Variants in PTPRG observed in about 807,000 individuals in gnomAD.
PTPRG encodes receptor-type tyrosine-protein phosphatase gamma.
PTPRG carries 102 observed loss-of-function variants against 165.3 expected under a neutral mutation model. The ratio of observed to expected loss-of-function variants is 0.62; its 90% CI spans 0.53 to 0.73. PTPRG has a LOEUF of 0.73. Among genes scored for constraint, PTPRG ranks in the 30% least tolerant of loss-of-function variants. PTPRG has a pLI of 0.00. For synonymous variants in PTPRG, 675 were observed against 669.5 expected, an observed-to-expected ratio of 1.01 and a Z score of -0.13; for missense variants, 1,866 against 1,861.4, an observed-to-expected ratio of 1.00 and a Z score of -0.05.
chr3:61,697,290 A>G (rs189521514), intron 1 of PTPRG, among the ~76,000 whole-genome samples: 11 of 152,306 alleles, frequency 7.2e-5, no homozygotes, highest in Non-Finnish European at 1.0e-4. Flanking sequence ...ATACTTCGGC[A>G]TGCTGAGTAC....
chr3:61,613,897 A>C (rs1701240589), intron 1 of PTPRG, among the ~76,000 whole-genome samples: 1 of 152,180 alleles, frequency 6.6e-6, no homozygotes, highest in African/African-American at 2.4e-5. Flanking sequence ...ATCTCAGGGC[A>C]TGGCTTTCTA....
intron 1 of PTPRG, among the ~76,000 whole-genome samples, chr3:61,690,235 T>A (rs1310582313): frequency 1.3e-5 from 2 of 152,184 alleles, no homozygotes; most frequent in East Asian, 3.9e-4. Context: ...TATCACTTCT[T>A]GGAAATGCAG....
At chr3:61,717,669 G>T (rs1239357296) in intron 1 of PTPRG, among the ~76,000 whole-genome samples, 1 of 152,028 alleles carries the variant, frequency 6.6e-6, no homozygotes, top group African/African-American at 2.4e-5. Flanking sequence ...TGTGCCTATA[G>T]TCCCAGCTAC....
chr3:62,118,716 G>C (rs1344443056), intron 5 of PTPRG, among the ~76,000 whole-genome samples: 4 of 152,154 alleles, frequency 2.6e-5, no homozygotes, highest in Non-Finnish European at 5.9e-5. Flanking sequence ...TCTGTATACA[G>C]TGGAAAAATA....
intron 2 of PTPRG, among the ~76,000 whole-genome samples, chr3:61,880,269 A>G (rs1258206440): frequency 6.6e-6 from 1 of 152,198 alleles, no homozygotes; most frequent in Non-Finnish European, 1.5e-5. Context: ...TTTTTAGACT[A>G]TCTCCCCACT....
rs1215328140 is a variant in PTPRG, at chr3:62,267,793, A to T, written c.2848A>T (p.Ile950Phe). The change falls in exon 19 of 30, where the codon ATT (isoleucine) becomes TTT (phenylalanine). Residue 950 changes from isoleucine to phenylalanine, a missense_variant. Physicochemically the swap from Ile to Phe is conservative, Grantham distance 21. Around this residue, in one of 3 missense-constraint regions of PTPRG, gnomAD observed 1,452 missense variants for 1,463.0 expected, o/e 0.99. Coordinates refer to ENST00000474889, the MANE Select transcript of PTPRG (RefSeq NM_002841.4). Reference protein sequence around the residue: ...WEQNTGIIVMITNLVEKGRRK... With the variant: ...WEQNTGIIVMFTNLVEKGRRK... ...ACAAAACACTGGAATCATTGTGATG[A>T]TTACGAACCTTGTGGAAAAAGGAAG... 6.2e-7 allele frequency: 1 copy of T among 1,613,212 alleles called. No individual in the cohort carries two copies.
In PTPRG at chr3:61,596,294, A is replaced by C. The variant is rs375047338; in HGVS notation, c.85+33922A>C. ...TGTACATTTAGCTTAAATTAAGTGG[A>C]ATTGTACCATAGTTTCACATTACTT... On this transcript the variant is annotated intron_variant, in intron 1 of 29. Coordinates refer to ENST00000474889, the MANE Select transcript of PTPRG (RefSeq NM_002841.4). Among the ~76,000 whole-genome samples, 92 of 152,342 alleles carry C rather than the reference A, an allele frequency of 6.0e-4. 3 individuals are homozygous for C. In the South Asian group the frequency reaches 0.018, roughly 30 times the overall value.
chr3:62,212,559 G>A (rs958200460), intron 12 of PTPRG, among the ~76,000 whole-genome samples: 1 of 152,140 alleles, frequency 6.6e-6, no homozygotes, highest in Non-Finnish European at 1.5e-5. Context: ...TTGTTCTGCA[G>A]ACTCATTGGG....
At position 62,293,489 on chromosome 3, in the gene PTPRG, C is replaced by CT. The variant is rs1702971279; in HGVS notation, c.*183dup. The CT allele has an allele frequency of 4.2e-6, 2 of 478,904 alleles. No individual in the cohort carries two copies. Among genetic ancestry groups the CT allele is most frequent in the Non-Finnish European group, 7.1e-6 (2 of 280,608 alleles). 29.7% of individuals were successfully genotyped at this position (478,904 alleles called of 1,614,324 possible). A position where few individuals can be genotyped will look rare whatever the true frequency, so the allele number is the denominator to read the frequency against. Reference sequence around the variant, plus strand: ...GGTATCCTACTGAGCATTTGCACCTCTGTTCATTTCACACAGTGAAACGCA... The same window carrying CT: ...GGTATCCTACTGAGCATTTGCACCTCTTGTTCATTTCACACAGTGAAACGCA... On this transcript the variant is annotated 3_prime_UTR_variant, in exon 30 of 30. Coordinates refer to ENST00000474889, the MANE Select transcript of PTPRG (RefSeq NM_002841.4).
At chr3:61,860,423 T>G (rs533800035) in intron 2 of PTPRG, among the ~76,000 whole-genome samples, 369 of 148,032 alleles carry the variant, frequency 2.5e-3, no homozygotes, top group Non-Finnish European at 4.3e-3. Flanking sequence ...TGCTTTTTTT[T>G]GTTTTTGTTC....
intron 2 of PTPRG, among the ~76,000 whole-genome samples, chr3:61,941,158 A>G (rs1391309662): frequency 2.0e-4 from 31 of 152,202 alleles, no homozygotes; most frequent in Admixed American, 2.0e-3. Context: ...ATAATCATTC[A>G]TGAGTGCAAT....
intron 2 of PTPRG, among the ~76,000 whole-genome samples, chr3:61,856,590 A>G (rs1198453612): frequency 6.6e-6 from 1 of 151,924 alleles, no homozygotes. Context: ...CCGTATTTTG[A>G]TTCATTTTCT....
rs1001945534 is a variant in PTPRG at position 61,972,828 on chromosome 3, T to G, written c.191-16797T>G. Reference sequence around the variant, plus strand: ...CCACCATGCCCAGCTAATTTTTAATTTTTTTTTTTTTGTAGAGACAGGGTC... The same window carrying G: ...CCACCATGCCCAGCTAATTTTTAATGTTTTTTTTTTTGTAGAGACAGGGTC... On this transcript the variant is annotated intron_variant, in intron 2 of 29. Transcript: ENST00000474889. 4.1e-4 allele frequency among the ~76,000 whole-genome samples: 7 copies of G among 16,894 alleles called. No homozygotes were observed. The South Asian group carries it at 0.012, about 29-fold the overall frequency. The allele number at this position is 16,894 out of a possible 152,430, so 11.1% of individuals were successfully genotyped here.
chr3:62,004,337 G>T (rs1055456600), intron 4 of PTPRG, among the ~76,000 whole-genome samples: 1 of 152,210 alleles, frequency 6.6e-6, no homozygotes, highest in African/African-American at 2.4e-5. Context: ...CCTATAGACA[G>T]TTGCTTTGGA....
At position 62,210,775 on chromosome 3, in the gene PTPRG, C is replaced by T. The variant is rs930383273; in HGVS notation, c.2155+6825C>T. Among the ~76,000 whole-genome samples the T allele has an allele frequency of 1.3e-5, 2 of 152,050 alleles. No individual in the cohort carries two copies. Among genetic ancestry groups the T allele is most frequent in the Non-Finnish European group, 2.9e-5 (2 of 68,004 alleles). On this transcript the variant is annotated intron_variant, in intron 12 of 29. Coordinates refer to ENST00000474889, the MANE Select transcript of PTPRG (RefSeq NM_002841.4). The surrounding 1 kb of genome is among the most constrained non-coding windows in gnomAD (Gnocchi z 4.1). ...ATAGTAAATATAAATATGTTTTCTT[C>T]CTTAGGATTTTCTTTATAACATTTT...
At chr3:62,250,188 T>A (rs140251643) in intron 15 of PTPRG, among the ~76,000 whole-genome samples, 112 of 152,380 alleles carry the variant, frequency 7.4e-4, no homozygotes, top group African/African-American at 2.6e-3. Flanking sequence ...TTGCTTTTCA[T>A]AACACTCTAT....
intron 1 of PTPRG, among the ~76,000 whole-genome samples, chr3:61,645,455 C>T (rs1267661488): frequency 6.6e-6 from 1 of 152,240 alleles, no homozygotes; most frequent in African/African-American, 2.4e-5. Flanking sequence ...ACCCGGGCTC[C>T]ACCAATCACA....
chr3:61,776,586 A>T (rs2034389477), intron 2 of PTPRG, among the ~76,000 whole-genome samples: 1 of 151,896 alleles, frequency 6.6e-6, no homozygotes, highest in Non-Finnish European at 1.5e-5. Context: ...TCTGTCCTAG[A>T]ACTTATTAGG....
chr3:61,987,490 C>G (rs1015019517), intron 2 of PTPRG, among the ~76,000 whole-genome samples: 3 of 152,156 alleles, frequency 2.0e-5, no homozygotes, highest in African/African-American at 7.2e-5. Flanking sequence ...GGAGAATTAT[C>G]AGGTATCTGT....
Sources: gnomAD v4.1 joint callset for allele counts (sites outside exome capture counted in the v4.1 genomes callset) on GRCh38, gnomAD v4.1.1 for gene constraint, gnomAD v4.1.1 regional missense constraint, Gnocchi (gnomAD v3.1) non-coding constraint, MANE v1.5 for transcripts, NCBI Gene and HGNC (gene_info 2026-07-23, HGNC 2026-07-21) for gene names.